CYRIA: variants seen among roughly 807,000 people sequenced by gnomAD.
CYRIA encodes CYFIP related Rac1 interactor A.
CYRIA carries 15 observed loss-of-function variants against 43.9 expected under a neutral mutation model. The observed-to-expected ratio is 0.34, with a 90% CI of 0.23 to 0.53. The LOEUF (loss-of-function observed/expected upper bound fraction) is 0.53, where lower values mean the gene tolerates loss of function less well. Among genes scored for constraint, CYRIA ranks in the 20% least tolerant of loss-of-function variants. The pLI, the probability that CYRIA is intolerant of heterozygous loss-of-function variation, is 0.94. For synonymous variants in CYRIA, 117 were observed against 136.0 expected, an observed-to-expected ratio of 0.86 and a Z score of 0.97; for missense variants, 236 against 394.2, an observed-to-expected ratio of 0.60 and a Z score of 3.40.
intron 10 of CYRIA, among the ~76,000 whole-genome samples, chr2:16,558,859 C>G (rs913608424): frequency 6.6e-6 from 1 of 151,962 alleles, no homozygotes; most frequent in Admixed American, 6.6e-5. Flanking sequence ...ACCAGAGAAG[C>G]AAGAAGGCTT....
At chr2:16,619,032 G>A (rs552869005) in intron 2 of CYRIA, among the ~76,000 whole-genome samples, 1 of 152,278 alleles carries the variant, frequency 6.6e-6, no homozygotes, top group South Asian at 2.1e-4. Flanking sequence ...CACAGCTGTG[G>A]GCTTTGGCCA....
chr2:16,632,163 T>TG lies in CYRIA; in HGVS notation c.-166-8145dup, dbSNP rs138278494. ...AGGAGATCTGGGTTCCAGTTCCACA[T>TG]GGCAAGTGACTTGCCCCATGCACAG... On this transcript the variant is annotated intron_variant, in intron 1 of 11. Transcript: ENST00000381323. Among the ~76,000 whole-genome samples, 713 of 152,310 alleles carry TG rather than the reference T, an allele frequency of 4.7e-3. 9 individuals are homozygous for TG. The East Asian group carries it at 0.052, about 11-fold the overall frequency.
intron 2 of CYRIA, among the ~76,000 whole-genome samples, chr2:16,600,678 TTA>T (rs1266475416): frequency 6.6e-6 from 1 of 152,308 alleles, no homozygotes; most frequent in Non-Finnish European, 1.5e-5. Context: ...AACAGAGTAA[TTA>T]TAGTTATTAC....
intron 2 of CYRIA, 75 bp from the exon 3 acceptor site, chr2:16,588,204 C>G (rs1026001199): frequency 3.5e-5 from 32 of 911,820 alleles, no homozygotes; most frequent in Non-Finnish European, 3.9e-5. Context: ...TCCCTGGGCC[C>G]CCCATAGCTA....
chr2:16,615,202 C>T (rs751192), intron 2 of CYRIA, among the ~76,000 whole-genome samples: 39,252 of 152,100 alleles, frequency 0.26, 6,904 homozygotes, highest in East Asian at 0.9. Flanking sequence ...AACTGCTGAA[C>T]GCAAGTCTAT....
Position 16,551,252 on chromosome 2 carries a change from G to T in CYRIA, c.*1684C>A, listed in dbSNP as rs544043629. ...AAGATCAGCTGGTCACTAAAGTCCA[G>T]AAAGCAATGGAGTCTTATAGCTCAT... On this transcript the variant is annotated 3_prime_UTR_variant, in exon 12 of 12. Coordinates refer to ENST00000381323, the MANE Select transcript of CYRIA (RefSeq NM_030797.4). 6.6e-6 allele frequency: 1 copy of T among 152,234 alleles called. No individual in the cohort carries two copies. Among genetic ancestry groups the T allele is most frequent in the South Asian group, 2.1e-4 (1 of 4,818 alleles). The allele number at this position is 152,234 out of a possible 1,614,324, so 9.4% of individuals were successfully genotyped here. A position where few individuals can be genotyped will look rare whatever the true frequency, so the allele number is the denominator to read the frequency against.
intron 2 of CYRIA, among the ~76,000 whole-genome samples, chr2:16,608,235 T>C (rs190406230): frequency 1.3e-5 from 2 of 152,248 alleles, no homozygotes; most frequent in South Asian, 2.1e-4. Flanking sequence ...AAAACAGTCA[T>C]TGGTGAGAGA....
intron 1 of CYRIA, among the ~76,000 whole-genome samples, chr2:16,659,713 G>C (rs981311577): frequency 6.6e-6 from 1 of 152,192 alleles, no homozygotes; most frequent in Non-Finnish European, 1.5e-5. Context: ...AGAGTGTTGG[G>C]ATAAGAGCTT....
intron 7 of CYRIA, 38 bp from the exon 8 acceptor site, chr2:16,561,315 G>A (rs1666722046): frequency 6.5e-7 from 1 of 1,542,210 alleles, no homozygotes; most frequent in East Asian, 2.2e-5. Flanking sequence ...TTTATAAAGA[G>A]AAAGTCCAAA....
chr2:16,600,002 C>T (rs1047158739), intron 2 of CYRIA, among the ~76,000 whole-genome samples: 8 of 152,240 alleles, frequency 5.3e-5, no homozygotes, highest in Admixed American at 2.0e-4. Context: ...GTGATCCACC[C>T]GCCTCGGTCT....
chr2:16,607,270 G>A (rs1668437918), intron 2 of CYRIA, among the ~76,000 whole-genome samples: 1 of 140,844 alleles, frequency 7.1e-6, no homozygotes, highest in Admixed American at 7.2e-5. Flanking sequence ...TGGATGAGGT[G>A]AGAGTCTGCA....
intron 3 of CYRIA, among the ~76,000 whole-genome samples, chr2:16,566,775 G>A (rs1329381373): frequency 6.6e-6 from 1 of 152,154 alleles, no homozygotes; most frequent in Non-Finnish European, 1.5e-5. Flanking sequence ...GCTGGTGGGT[G>A]GTGGTGGAGA....
At chr2:16,653,787 G>A (rs1670031760) in intron 1 of CYRIA, among the ~76,000 whole-genome samples, 1 of 152,152 alleles carries the variant, frequency 6.6e-6, no homozygotes, top group African/African-American at 2.4e-5. Flanking sequence ...AATCTCAAAG[G>A]GTCTGTCCAG....
At chr2:16,620,981 T>TC (rs1366228052) in intron 2 of CYRIA, among the ~76,000 whole-genome samples, 1 of 152,140 alleles carries the variant, frequency 6.6e-6, no homozygotes, top group Non-Finnish European at 1.5e-5. Context: ...TCAATCTGGG[T>TC]CAGGGACTCC....
intron 3 of CYRIA, among the ~76,000 whole-genome samples, chr2:16,581,983 T>G (rs1667566579): frequency 1.3e-5 from 2 of 152,148 alleles, no homozygotes; most frequent in African/African-American, 4.8e-5. Flanking sequence ...CTTAAAAAAC[T>G]TATAGATTAG....
At chr2:16,587,313 T>C (rs144581540) in intron 3 of CYRIA, among the ~76,000 whole-genome samples, 58 of 152,258 alleles carry the variant, frequency 3.8e-4, no homozygotes, top group Middle Eastern at 3.4e-3. Context: ...CAGTAATTCA[T>C]AAACATTTTT....
chr2:16,660,423 C>T (rs539406281), intron 1 of CYRIA, among the ~76,000 whole-genome samples: 39 of 152,232 alleles, frequency 2.6e-4, no homozygotes, highest in Non-Finnish European at 5.1e-4. Flanking sequence ...GGGAAATTGA[C>T]TCTATTGAAG....
chr2:16,584,074 T>C (rs1054556122), intron 3 of CYRIA, among the ~76,000 whole-genome samples: 2 of 152,188 alleles, frequency 1.3e-5, no homozygotes, highest in Admixed American at 6.5e-5. Flanking sequence ...CTGTTCAGCC[T>C]TCCTCCTTCC....
At chr2:16,578,813 C>CAGAAGA (rs199869319) in intron 3 of CYRIA, among the ~76,000 whole-genome samples, 5 of 151,348 alleles carry the variant, frequency 3.3e-5, no homozygotes, top group African/African-American at 1.2e-4. Flanking sequence ...ATTGGTGTCC[C>CAGAAGA]AGAAGAAGAA....
Sources: allele counts gnomAD v4.1 joint callset (sites outside exome capture counted in the v4.1 genomes callset), GRCh38; gene constraint gnomAD v4.1.1; transcripts MANE v1.5; gene names NCBI Gene and HGNC (gene_info 2026-07-23, HGNC 2026-07-21).